The following EYS variants were observed in gnomAD, a reference collection of about 807,000 sequenced individuals.
EYS encodes EGF-like photoreceptor maintenance factor.
Under a neutral mutation model 282.1 loss-of-function variants are expected in EYS, and 250 were observed. The observed-to-expected ratio is 0.89, with a 90% CI of 0.80 to 0.98. The LOEUF (loss-of-function observed/expected upper bound fraction) is 0.98. Ranked by LOEUF, EYS falls within the 50% of genes least tolerant of loss-of-function variation. The pLI, the probability that EYS is intolerant of heterozygous loss-of-function variation, is 0.00. For synonymous variants in EYS, 1,355 were observed against 1,282.9 expected (o/e 1.06, Z -1.20); for missense variants, 4,016 against 3,709.0 (o/e 1.08, Z -2.15).
intron 2 of EYS, among the ~76,000 whole-genome samples, chr6:65,573,620 G>A (rs1764555592): frequency 6.6e-6 from 1 of 152,148 alleles, no homozygotes; most frequent in African/African-American, 2.4e-5. Flanking sequence ...AAGTGCCCAT[G>A]TTTCAGCTCC....
At chr6:65,137,584 A>C (rs1430119706) in intron 12 of EYS, among the ~76,000 whole-genome samples, 1 of 152,074 alleles carries the variant, frequency 6.6e-6, no homozygotes, top group Non-Finnish European at 1.5e-5. Flanking sequence ...AGGAAAAGAG[A>C]GGTCTGGGGA....
At chr6:65,613,771 T>C (rs574545194) in intron 2 of EYS, among the ~76,000 whole-genome samples, 11 of 152,036 alleles carry the variant, frequency 7.2e-5, no homozygotes, top group African/African-American at 2.6e-4. Flanking sequence ...TATGATAAAG[T>C]GATTAAAAAC....
chr6:64,715,113 G>A (rs1451333337), intron 22 of EYS, among the ~76,000 whole-genome samples: 2 of 151,750 alleles, frequency 1.3e-5, no homozygotes, highest in East Asian at 1.9e-4. Flanking sequence ...TTTTTGGGAT[G>A]ATTCAAGTGC....
chr6:63,984,590 G>A lies in EYS; in HGVS notation c.6848C>T (p.Ser2283Leu), dbSNP rs867467241. ...ISHASQAYFESMFLGHIPANV... is the reference protein window; with the variant it reads ...ISHASQAYFELMFLGHIPANV... ...TGCAGGAATATGGCCAAGGAACATT[G>A]ATTCAAAATATGCCTGTAGAAAAAG... Residue 2283 changes from serine (S) to leucine (L), a missense_variant, in exon 35 of 43, where the codon TCA becomes TTA. Physicochemically the swap from Ser to Leu is moderately radical, Grantham distance 145. Coordinates refer to ENST00000503581, the MANE Select transcript of EYS (RefSeq NM_001142800.2). 1 of 1,547,878 alleles carries A rather than the reference G, an allele frequency of 6.5e-7. No individual in the cohort carries two copies. Among genetic ancestry groups the A allele is most frequent in the East Asian group, 2.4e-5 (1 of 40,850 alleles).
intron 12 of EYS, among the ~76,000 whole-genome samples, chr6:65,145,634 C>G (rs868240133): frequency 2.6e-5 from 4 of 151,906 alleles, no homozygotes; most frequent in Admixed American, 6.6e-5. Context: ...CATCAAACAG[C>G]TAGAAATTAA....
At chr6:65,684,165 T>C (rs1768924463) in intron 1 of EYS, among the ~76,000 whole-genome samples, 1 of 152,032 alleles carries the variant, frequency 6.6e-6, no homozygotes, top group Non-Finnish European at 1.5e-5. Context: ...TTTATTGTCT[T>C]CAAATTCTGA....
At chr6:64,256,039 TA>T (rs1052722720) in intron 30 of EYS, among the ~76,000 whole-genome samples, 2 of 152,038 alleles carry the variant, frequency 1.3e-5, no homozygotes, top group Non-Finnish European at 2.9e-5. Context: ...AATTCTTATA[TA>T]AAAATCTGAG....
intron 36 of EYS, among the ~76,000 whole-genome samples, chr6:63,836,336 CA>C (rs903161232): frequency 1.5e-4 from 22 of 150,428 alleles, no homozygotes; most frequent in Non-Finnish European, 2.7e-4. Context: ...TGCCTTTTAC[CA>C]AAAAAATTTG....
At chr6:63,958,236 G>A (rs1765905001) in intron 35 of EYS, among the ~76,000 whole-genome samples, 1 of 140,240 alleles carries the variant, frequency 7.1e-6, no homozygotes, top group Non-Finnish European at 1.6e-5. Context: ...AACAGCTATG[G>A]TTCCATACCA....
intron 12 of EYS, among the ~76,000 whole-genome samples, chr6:65,200,175 A>G (rs1765865464): frequency 6.8e-6 from 1 of 148,090 alleles, no homozygotes; most frequent in Admixed American, 6.7e-5. Flanking sequence ...AGTGTCAAAG[A>G]TAATTCTGAA....
chr6:63,953,139 T>A (rs1283247864), intron 35 of EYS, among the ~76,000 whole-genome samples: 3 of 152,164 alleles, frequency 2.0e-5, no homozygotes, highest in African/African-American at 7.2e-5. Flanking sequence ...AGATGGTTTT[T>A]TCACTATTCC....
chr6:65,141,766 G>A (rs62407220), intron 12 of EYS, among the ~76,000 whole-genome samples: 38,931 of 151,552 alleles, frequency 0.26, 5,337 homozygotes, highest in African/African-American at 0.35. Context: ...TCAGAAGTTC[G>A]GGGGCAAGAG....
chr6:64,783,406 T>G (rs1773922901), intron 22 of EYS, among the ~76,000 whole-genome samples: 1 of 151,734 alleles, frequency 6.6e-6, no homozygotes, highest in Admixed American at 6.6e-5. Flanking sequence ...TATCCGTGGA[T>G]TCAGTCATCT....
At chr6:65,020,777 A>C (rs561817182) in intron 13 of EYS, among the ~76,000 whole-genome samples, 4 of 152,242 alleles carry the variant, frequency 2.6e-5, no homozygotes, top group South Asian at 4.1e-4. Context: ...GGACATCCAG[A>C]TGTTTCCATA....
chr6:65,048,006 AT>A (rs1334700529), intron 13 of EYS, among the ~76,000 whole-genome samples: 1 of 151,854 alleles, frequency 6.6e-6, no homozygotes, highest in Non-Finnish European at 1.5e-5. Flanking sequence ...CTCTTATTTC[AT>A]ATTGGGGCTC....
chr6:64,366,693 C>T (rs1291944228), intron 29 of EYS, among the ~76,000 whole-genome samples: 1 of 151,828 alleles, frequency 6.6e-6, no homozygotes, highest in African/African-American at 2.4e-5. Flanking sequence ...TATTGAAGGC[C>T]AGAGAACAGG....
At chr6:64,476,459 T>A (rs59130430) in intron 26 of EYS, among the ~76,000 whole-genome samples, 1,846 of 151,834 alleles carry the variant, frequency 0.012, 29 homozygotes, top group African/African-American at 0.042. Context: ...TAGTACAAAC[T>A]CTCCCCAGAA....
intron 12 of EYS, among the ~76,000 whole-genome samples, chr6:65,229,331 T>G (rs1766709391): frequency 6.6e-6 from 1 of 151,898 alleles, no homozygotes; most frequent in Admixed American, 6.6e-5. Flanking sequence ...AAAACAACTT[T>G]TTCGTTGAGC....
chr6:65,328,782 T>A (rs1420997881), intron 11 of EYS, among the ~76,000 whole-genome samples: 2 of 151,112 alleles, frequency 1.3e-5, no homozygotes, highest in African/African-American at 4.8e-5. Flanking sequence ...ATGAAAAAAA[T>A]TCTAGGAATA....
Sources: gnomAD v4.1 joint callset for allele counts (sites outside exome capture counted in the v4.1 genomes callset) on GRCh38, gnomAD v4.1.1 for gene constraint, MANE v1.5 for transcripts, NCBI Gene and HGNC (gene_info 2026-07-23, HGNC 2026-07-21) for gene names.